The following NDRG1 variants were observed in gnomAD, a reference collection of about 807,000 sequenced individuals.
The protein encoded by NDRG1 is N-myc downstream regulated 1, also known as protein NDRG1.
Under a neutral mutation model 56.9 loss-of-function variants are expected in NDRG1, and 32 were observed. The ratio of observed to expected loss-of-function variants is 0.56; its 90% CI spans 0.42 to 0.76. NDRG1 has a LOEUF of 0.76. Ranked by LOEUF, NDRG1 falls within the 30% of genes least tolerant of loss-of-function variation. The pLI is 0.00. For missense variants in NDRG1, 507 were observed against 545.7 expected (o/e 0.93, Z 0.71); for synonymous variants, 211 against 204.1 (o/e 1.03, Z -0.29).
intron 1 of NDRG1, among the ~76,000 whole-genome samples, chr8:133,286,619 T>C (rs1858128656): frequency 6.6e-6 from 1 of 152,220 alleles, no homozygotes; most frequent in Non-Finnish European, 1.5e-5. Context: ...TGGTGGGGCC[T>C]TCTCTGACCC....
At chr8:133,259,119 A>C in intron 6 of NDRG1, 49 bp downstream of exon 6, 1 of 1,591,832 alleles carries the variant, frequency 6.3e-7, no homozygotes, top group Middle Eastern at 1.7e-4. Flanking sequence ...AAGATGCTAG[A>C]AACCAGGCTT....
rs568459183 is a variant in NDRG1 at position 133,252,031 on chromosome 8, G to A, written c.595-1488C>T. 7.2e-5 allele frequency among the ~76,000 whole-genome samples: 11 copies of A among 152,348 alleles called. No homozygotes were observed. In the South Asian group the frequency reaches 2.1e-3, roughly 29 times the overall value. On this transcript the variant is annotated intron_variant, in intron 9 of 15. Coordinates refer to ENST00000323851, the MANE Select transcript of NDRG1 (RefSeq NM_006096.4). ...CCCCTGGAGCCTGTGGCGGAGGGGC[G>A]GCCCTGCCAGCGCTTGACATCGGAG... is the stretch of plus-strand genomic sequence containing the variant.
At chr8:133,251,399 A>C (rs958295534) in intron 9 of NDRG1, among the ~76,000 whole-genome samples, 1 of 152,236 alleles carries the variant, frequency 6.6e-6, no homozygotes, top group Non-Finnish European at 1.5e-5. Flanking sequence ...TCAACTGGCT[A>C]CTAAGAGCAA....
At chr8:133,281,357 C>CAAA (rs569886625) in intron 2 of NDRG1, among the ~76,000 whole-genome samples, 9 of 89,654 alleles carry the variant, frequency 1.0e-4, no homozygotes, top group African/African-American at 3.0e-4. Context: ...AACTCCGTCT[C>CAAA]AAAAAAAAAA....
At chr8:133,252,111 T>C (rs192228878) in intron 9 of NDRG1, among the ~76,000 whole-genome samples, 2 of 152,310 alleles carry the variant, frequency 1.3e-5, no homozygotes, top group African/African-American at 2.4e-5. Context: ...TTCTCTGTTT[T>C]TGAGACAGAG....
At chr8:133,251,467 C>T (rs10085955) in intron 9 of NDRG1, among the ~76,000 whole-genome samples, 13,774 of 152,248 alleles carry the variant, frequency 0.09, 763 homozygotes, top group Middle Eastern at 0.15. Flanking sequence ...CCAACTATAG[C>T]GATCTGGGGG....
chr8:133,267,898 G>A (rs1223893539), intron 3 of NDRG1, among the ~76,000 whole-genome samples: 1 of 152,206 alleles, frequency 6.6e-6, no homozygotes, highest in African/African-American at 2.4e-5. Context: ...GACTCCCGGT[G>A]CAGGCAGCAG....
intron 9 of NDRG1, among the ~76,000 whole-genome samples, chr8:133,254,050 G>A (rs1856225820): frequency 6.8e-6 from 1 of 147,954 alleles, no homozygotes; most frequent in African/African-American, 2.5e-5. Flanking sequence ...TCTCAAAATG[G>A]TTATGCTGAG....
rs915453877 is a variant in NDRG1 at position 133,238,487 on chromosome 8, G to A, written c.*391C>T. ...GTTAAAGAGGAAACGGGAAGTGGGC[G>A]GCTGGCCTTCTGACCAGGCACCCGT... is the stretch of plus-strand genomic sequence containing the variant. On this transcript the variant is annotated 3_prime_UTR_variant, in exon 16 of 16. Transcript: ENST00000323851. The A allele has an allele frequency of 1.8e-5, 5 of 282,972 alleles. No homozygotes were observed. The highest frequency in any genetic ancestry group is 9.6e-5 in the Admixed American group (2 of 20,764). 17.5% of individuals were successfully genotyped at this position (282,972 alleles called of 1,614,324 possible). A position where few individuals can be genotyped will look rare whatever the true frequency, so the allele number is the denominator to read the frequency against.
Position 133,250,577 on chromosome 8 carries a change from C to T in NDRG1, c.595-34G>A, listed in dbSNP as rs368956082. The T allele has an allele frequency of 1.5e-5, 23 of 1,562,262 alleles. No homozygotes were observed. The East Asian group carries it at 2.0e-4, about 14-fold the overall frequency. On this transcript the variant is annotated intron_variant, in intron 9 of 15. Transcript: ENST00000323851. The stretch of plus-strand genomic sequence containing the variant: ...AGAGAGGTGAGAAGATGGTCCTCAT[C>T]GCACTGTGGCCCTGAGCTGGTCACT...
intron 1 of NDRG1, among the ~76,000 whole-genome samples, chr8:133,291,547 G>A (rs566339787): frequency 2.0e-5 from 3 of 152,152 alleles, no homozygotes; most frequent in South Asian, 2.1e-4. Flanking sequence ...CAGTCTTCAC[G>A]AACTGTCTTT....
chr8:133,239,307 A>G (rs1279760970), intron 15 of NDRG1, 188 bp from the exon 16 acceptor site: 1 of 948,378 alleles, frequency 1.1e-6, no homozygotes, highest in African/African-American at 1.6e-5. Context: ...CAAGGCCCAG[A>G]TGCGGGAAGG....
intron 1 of NDRG1, among the ~76,000 whole-genome samples, chr8:133,292,373 T>A (rs1858479337): frequency 6.6e-6 from 1 of 152,126 alleles, no homozygotes; most frequent in Non-Finnish European, 1.5e-5. Flanking sequence ...TGCAAGATGG[T>A]CCAAGTTACT....
intron 8 of NDRG1, 29 bp downstream of exon 8, chr8:133,256,748 C>G: frequency 6.2e-7 from 1 of 1,610,426 alleles, no homozygotes; most frequent in Non-Finnish European, 8.5e-7. Context: ...TTGCAGGGAT[C>G]CCGCCGGCCT....
chr8:133,251,322 T>A (rs1292719682), intron 9 of NDRG1, among the ~76,000 whole-genome samples: 2 of 151,694 alleles, frequency 1.3e-5, no homozygotes, highest in African/African-American at 4.8e-5. Context: ...GAGTTGGGGG[T>A]CAAAGAAAGC....
chr8:133,264,008 A>C (rs1856786685), intron 4 of NDRG1, among the ~76,000 whole-genome samples: 1 of 152,156 alleles, frequency 6.6e-6, no homozygotes, highest in African/African-American at 2.4e-5. Context: ...TCAATAAAGG[A>C]ATAAAGGAAA....
chr8:133,250,868 C>T (rs556631923), intron 9 of NDRG1, among the ~76,000 whole-genome samples: 67 of 144,272 alleles, frequency 4.6e-4, no homozygotes, highest in African/African-American at 1.6e-3. Context: ...CTGTCCCTTT[C>T]GTAGGCAAAT....
At position 133,275,736 on chromosome 8, in the gene NDRG1, C is replaced by T. The variant is rs138944095; in HGVS notation, c.99+4496G>A. ...ATCGGGATTGGTTTCAAATATGTGC[C>T]CTGGAAGCAAATGGCTTGAGGTCCC... On this transcript the variant is annotated intron_variant, in intron 3 of 15. Transcript: ENST00000323851. 6.2e-3 allele frequency among the ~76,000 whole-genome samples: 937 copies of T among 152,230 alleles called. 3 individuals are homozygous for T. The highest frequency in any genetic ancestry group is 0.01 in the Middle Eastern group (3 of 294).
intron 1 of NDRG1, among the ~76,000 whole-genome samples, chr8:133,285,157 G>A (rs958893755): frequency 6.6e-6 from 1 of 152,142 alleles, no homozygotes; most frequent in Non-Finnish European, 1.5e-5. Flanking sequence ...GCTTGGGCAG[G>A]TGGTGCTATC....
Sources: allele counts gnomAD v4.1 joint callset (sites outside exome capture counted in the v4.1 genomes callset), GRCh38; gene constraint gnomAD v4.1.1; transcripts MANE v1.5; gene names NCBI Gene and HGNC (gene_info 2026-07-23, HGNC 2026-07-21).